Variants in PCDHA5 observed in about 807,000 individuals in gnomAD.
PCDHA5 encodes protocadherin alpha 5.
PCDHA5 carries 43 observed loss-of-function variants against 61.6 expected under a neutral mutation model. The observed-to-expected ratio is 0.70, with a 90% CI of 0.55 to 0.90. The LOEUF (loss-of-function observed/expected upper bound fraction) is 0.90. Among genes scored for constraint, PCDHA5 ranks in the 40% least tolerant of loss-of-function variants. The probability of loss-of-function intolerance (pLI) is 0.00; values close to 1 mark genes in which losing one functional copy is unlikely to be tolerated. For synonymous variants in PCDHA5, 627 were observed against 543.9 expected (o/e 1.15, Z -2.13); for missense variants, 1,298 against 1,222.7 (o/e 1.06, Z -0.92).
intron 1 of PCDHA5, among the ~76,000 whole-genome samples, chr5:140,838,110 GTGTGT>G (rs1775541794): frequency 6.7e-6 from 1 of 149,788 alleles, no homozygotes; most frequent in Admixed American, 6.7e-5. Flanking sequence ...GTGTGTGTGT[GTGTGT>G]GTGTGTGTGT....
intron 1 of PCDHA5, chr5:140,862,812 C>G (rs782335970): frequency 1.7e-6 from 1 of 572,078 alleles, no homozygotes; most frequent in Non-Finnish European, 3.4e-6. Context: ...TGCTGCAGTT[C>G]TAGGTGAGAG....
In PCDHA5 at chr5:140,967,951, C is replaced by G. The variant is rs150201840; in HGVS notation, c.2353-10998C>G. On this transcript the variant is annotated intron_variant, in intron 1 of 3. Transcript: ENST00000529859. ...TCAGTGTCAATGACCAAGACTCAGG[C>G]CCCAACCGGAAAGTGAGCCTGGGTC... 6 of 1,614,078 alleles carry G rather than the reference C, an allele frequency of 3.7e-6. No homozygotes were observed. The African/African-American group carries it at 6.7e-5, about 18-fold the overall frequency.
chr5:140,875,651 T>C lies in PCDHA5; in HGVS notation c.2352+51524T>C, dbSNP rs782085221. 1.4e-5 allele frequency: 23 copies of C among 1,613,722 alleles called. No homozygotes were observed. The East Asian group carries it at 5.1e-4, about 36-fold the overall frequency. On this transcript the variant is annotated intron_variant, in intron 1 of 3. Transcript: ENST00000529859. The stretch of plus-strand genomic sequence containing the variant: ...CTGGGGCTGGAGCTGGCGGAGCTGG[T>C]GCCGCGCCTGTTCCGGGTGGCGTCC...
chr5:140,882,170 C>G, intron 1 of PCDHA5: 1 of 1,513,564 alleles, frequency 6.6e-7, no homozygotes, highest in Non-Finnish European at 8.8e-7. Flanking sequence ...CTTGCGAATC[C>G]TTCCGCACTA....
At chr5:140,836,283 A>T (rs2150256812) in intron 1 of PCDHA5, 1 of 1,613,716 alleles carries the variant, frequency 6.2e-7, no homozygotes, top group South Asian at 1.1e-5. Context: ...GATCAGCACG[A>T]CACGAGCCCT....
intron 1 of PCDHA5, among the ~76,000 whole-genome samples, chr5:140,971,436 C>G (rs2153789972): frequency 6.6e-6 from 1 of 152,278 alleles, no homozygotes; most frequent in Non-Finnish European, 1.5e-5. Flanking sequence ...ACCCCAAGAT[C>G]TACAGCTCCA....
At chr5:140,873,334 C>A (rs1182965928) in intron 1 of PCDHA5, among the ~76,000 whole-genome samples, 1 of 152,156 alleles carries the variant, frequency 6.6e-6, no homozygotes, top group African/African-American at 2.4e-5. Context: ...GCATACATTA[C>A]TCATCTCCAG....
Position 140,843,115 on chromosome 5 carries a change from C to G in PCDHA5, c.2352+18988C>G, listed in dbSNP as rs2150353014. Reference sequence around the variant, plus strand: ...TGGTAGCGAAGGTGCGCGCAGTGGACGCCGACTCGGGCTACAACGCGTGGC... The same window carrying G: ...TGGTAGCGAAGGTGCGCGCAGTGGAGGCCGACTCGGGCTACAACGCGTGGC... On this transcript the variant is annotated intron_variant, in intron 1 of 3. Coordinates refer to ENST00000529859, the MANE Select transcript of PCDHA5 (RefSeq NM_018908.3). 1.3e-5 allele frequency: 21 copies of G among 1,595,824 alleles called. 4 individuals carry two copies. In the South Asian group the frequency reaches 1.5e-4, roughly 12 times the overall value.
At chr5:140,901,761 A>G (rs1276192436) in intron 1 of PCDHA5, among the ~76,000 whole-genome samples, 1 of 152,124 alleles carries the variant, frequency 6.6e-6, no homozygotes, top group African/African-American at 2.4e-5. Flanking sequence ...TTTGACAGGG[A>G]TTGCATTGAA....
chr5:140,823,125 C>T lies in PCDHA5; in HGVS notation c.1350C>T (p.Asn450=), dbSNP rs2150122536. 32 of 1,613,928 alleles carry T rather than the reference C, an allele frequency of 2.0e-5. No individual in the cohort carries two copies. Among genetic ancestry groups the T allele is most frequent in the South Asian group, 2.0e-4 (18 of 91,090 alleles). ...VSVEVADVND[N]APAFAQPQYT... is the part of the protein sequence containing the mutation. The stretch of plus-strand genomic sequence containing the variant: ...TGGAAGTGGCCGACGTGAACGACAA[C>T]GCTCCGGCGTTCGCGCAGCCCCAGT... The change falls in exon 1 of 4, where the codon AAC becomes AAT. Residue 450 remains asparagine, a synonymous_variant. Transcript: ENST00000529859.
chr5:140,822,579 A>G lies in PCDHA5; in HGVS notation c.804A>G (p.Ala268=), dbSNP rs2150117484. 2 of 1,612,484 alleles carry G rather than the reference A, an allele frequency of 1.2e-6. No individual in the cohort carries two copies. The highest frequency in any genetic ancestry group is 2.2e-5 in the South Asian group (2 of 91,054). Residue 268 remains alanine (A), a synonymous_variant, in exon 1 of 4, where the codon GCA becomes GCG. Coordinates refer to ENST00000529859, the MANE Select transcript of PCDHA5 (RefSeq NM_018908.3). ...TLVIKLNASD[A]DEGINKEIVY... Reference sequence around the variant, plus strand: ...TTATTAAACTGAACGCCTCAGATGCAGATGAGGGCATCAATAAGGAAATAG... The same window carrying G: ...TTATTAAACTGAACGCCTCAGATGCGGATGAGGGCATCAATAAGGAAATAG...
At chr5:140,899,518 C>T (rs546972156) in intron 1 of PCDHA5, among the ~76,000 whole-genome samples, 145 of 152,230 alleles carry the variant, frequency 9.5e-4, no homozygotes, top group African/African-American at 2.6e-3. Context: ...TATTGCATCC[C>T]AGGGATGAAG....
chr5:140,826,342 C>T (rs1288222380), intron 1 of PCDHA5, among the ~76,000 whole-genome samples: 3 of 152,070 alleles, frequency 2.0e-5, no homozygotes, highest in East Asian at 1.9e-4. Context: ...AAATTGAACC[C>T]TTTGTTTGCC....
chr5:140,840,181 T>C (rs1398905291), intron 1 of PCDHA5, among the ~76,000 whole-genome samples: 1 of 151,970 alleles, frequency 6.6e-6, no homozygotes, highest in African/African-American at 2.4e-5. Context: ...AAATTTTAAA[T>C]ATGGTAGGCA....
intron 1 of PCDHA5, chr5:140,877,371 G>T: frequency 6.2e-7 from 1 of 1,613,994 alleles, no homozygotes; most frequent in Non-Finnish European, 8.5e-7. Flanking sequence ...AGATCAGCAC[G>T]ACACGCATCC....
intron 1 of PCDHA5, among the ~76,000 whole-genome samples, chr5:140,933,411 T>C (rs1174569571): frequency 6.6e-6 from 1 of 152,084 alleles, no homozygotes; most frequent in Non-Finnish European, 1.5e-5. Flanking sequence ...CATCTACAGA[T>C]ATTCTGTGTT....
At chr5:140,999,713 G>A (rs533034174) in intron 3 of PCDHA5, among the ~76,000 whole-genome samples, 2 of 152,226 alleles carry the variant, frequency 1.3e-5, no homozygotes, top group South Asian at 4.2e-4. Flanking sequence ...AGCTAACTAC[G>A]GAGACCAGCC....
Position 140,917,329 on chromosome 5 carries a change from G to GT in PCDHA5, c.2353-61620_2353-61619insT, listed in dbSNP as rs1563018868. On this transcript the variant is annotated intron_variant, in intron 1 of 3. Coordinates refer to ENST00000529859, the MANE Select transcript of PCDHA5 (RefSeq NM_018908.3). ...ACAATTTGGTGTTCATGTGGCGGGG[G>GT]AGGGGGGGGATGGTGTAGGCTTCTG... is the stretch of plus-strand genomic sequence containing the variant. 5.6e-5 allele frequency among the ~76,000 whole-genome samples: 8 copies of GT among 143,930 alleles called. 1 individual carries two copies. The highest frequency in any genetic ancestry group is 9.1e-5 in the Non-Finnish European group (6 of 65,842). The allele number at this position is 143,930 out of a possible 152,430, so 94.4% of individuals were successfully genotyped here.
intron 1 of PCDHA5, among the ~76,000 whole-genome samples, chr5:140,844,605 G>GA (rs1306948486): frequency 6.7e-6 from 1 of 149,186 alleles, no homozygotes; most frequent in Non-Finnish European, 1.5e-5. Context: ...ATATGACTTA[G>GA]AAAAATGTTT....
Sources: allele counts gnomAD v4.1 joint callset (sites outside exome capture counted in the v4.1 genomes callset), GRCh38; gene constraint gnomAD v4.1.1; transcripts MANE v1.5; gene names NCBI Gene and HGNC (gene_info 2026-07-23, HGNC 2026-07-21).